Variants in SESTD1 observed in about 807,000 individuals in gnomAD.
SESTD1 encodes SEC14 and spectrin domain containing 1, also known as SEC14 domain and spectrin repeat-containing protein 1.
A neutral mutation model predicts 101.7 loss-of-function variants in SESTD1; 43 were observed. That is an observed-to-expected ratio of 0.42 (90% CI 0.33 to 0.55). SESTD1 has a LOEUF of 0.55. SESTD1 is among the 20% of genes least tolerant of loss of function. SESTD1 has a pLI of 0.07. For missense variants in SESTD1, 647 were observed against 815.1 expected, an observed-to-expected ratio of 0.79 and a Z score of 2.51; for synonymous variants, 283 against 286.8, an observed-to-expected ratio of 0.99 and a Z score of 0.13.
At chr2:179,223,481 A>C (rs2105529298) in intron 1 of SESTD1, among the ~76,000 whole-genome samples, 1 of 152,256 alleles carries the variant, frequency 6.6e-6, no homozygotes, top group Admixed American at 6.5e-5. Context: ...TAAACAACTG[A>C]ATTGGTCATT....
At chr2:179,251,089 A>C (rs2047309931) in intron 1 of SESTD1, among the ~76,000 whole-genome samples, 1 of 152,228 alleles carries the variant, frequency 6.6e-6, no homozygotes, top group Non-Finnish European at 1.5e-5. Context: ...CTCAGTAATT[A>C]AAAAGGAACT....
chr2:179,159,132 T>C (rs1324165063), intron 5 of SESTD1, among the ~76,000 whole-genome samples: 1 of 152,206 alleles, frequency 6.6e-6, no homozygotes, highest in Non-Finnish European at 1.5e-5. Flanking sequence ...TCTTATTCTA[T>C]GCATACGCTT....
rs185299446 is a variant in SESTD1 at position 179,167,346 on chromosome 2, A to G, written c.369+4774T>C. Among the ~76,000 whole-genome samples the G allele has an allele frequency of 3.3e-5, 5 of 152,334 alleles. No individual in the cohort carries two copies. The East Asian group carries it at 9.6e-4, about 29-fold the overall frequency. Reference sequence around the variant, plus strand: ...CCTAAACTGAAACACAAAGAGAAAGACACAGGGATAAAAATAAAACAGGAG... The same window carrying G: ...CCTAAACTGAAACACAAAGAGAAAGGCACAGGGATAAAAATAAAACAGGAG... On this transcript the variant is annotated intron_variant, in intron 5 of 17. Coordinates refer to ENST00000428443, the MANE Select transcript of SESTD1 (RefSeq NM_178123.5).
At chr2:179,240,553 AT>A (rs2047136757) in intron 1 of SESTD1, among the ~76,000 whole-genome samples, 1 of 152,198 alleles carries the variant, frequency 6.6e-6, no homozygotes, top group African/African-American at 2.4e-5. Flanking sequence ...GGAAATAACA[AT>A]AGGAGAAGAC....
In SESTD1 at chr2:179,114,125, A is replaced by ACAAT. The variant is rs1304721376; in HGVS notation, c.1839+936_1839+939dup. On this transcript the variant is annotated intron_variant, in intron 16 of 17. Transcript: ENST00000428443. The stretch of plus-strand genomic sequence containing the variant: ...ATAATAATAAAAAATTCTCATTGAA[A>ACAAT]CAATCAGTAGATAAACAAGTTACAC... Among the ~76,000 whole-genome samples, 7 of 152,342 alleles carry ACAAT rather than the reference A, an allele frequency of 4.6e-5. No homozygotes were observed. The East Asian group carries it at 9.6e-4, about 21-fold the overall frequency.
chr2:179,245,824 CTAAATA>C (rs756630254), intron 1 of SESTD1, among the ~76,000 whole-genome samples: 3 of 152,130 alleles, frequency 2.0e-5, no homozygotes, highest in Non-Finnish European at 4.4e-5. Flanking sequence ...ATATATTACT[CTAAATA>C]TATTCATTAA....
chr2:179,112,570 A>ATTTCT (rs746331732), intron 17 of SESTD1, among the ~76,000 whole-genome samples, 154 bp downstream of exon 17: 29 of 152,238 alleles, frequency 1.9e-4, no homozygotes, highest in Non-Finnish European at 3.5e-4. Context: ...AGAGGTGTGG[A>ATTTCT]TTTCTTTTCA....
chr2:179,122,291 A>G (rs963290302), intron 12 of SESTD1, among the ~76,000 whole-genome samples: 2 of 152,220 alleles, frequency 1.3e-5, no homozygotes, highest in African/African-American at 4.8e-5. Context: ...TATGCTGTCC[A>G]ACTTATAGGA....
intron 1 of SESTD1, among the ~76,000 whole-genome samples, chr2:179,229,533 A>G (rs2046946070): frequency 6.6e-6 from 1 of 151,992 alleles, no homozygotes; most frequent in African/African-American, 2.4e-5. Context: ...TTCTAGATAT[A>G]GATATACATA....
chr2:179,143,325 G>T (rs1575439341), intron 9 of SESTD1, among the ~76,000 whole-genome samples: 1 of 152,120 alleles, frequency 6.6e-6, no homozygotes, highest in Non-Finnish European at 1.5e-5. Flanking sequence ...AGAATACACT[G>T]AGACCACTGA....
At position 179,110,038 on chromosome 2, in the gene SESTD1, A is replaced by C. The variant is rs1416101139; in HGVS notation, c.1962-10T>G. The C allele has an allele frequency of 6.2e-7, 1 of 1,613,112 alleles. No individual in the cohort carries two copies. Among genetic ancestry groups the C allele is most frequent in the South Asian group, 1.1e-5 (1 of 90,974 alleles). ...AAAATATTGTTCGGTTCTAAAAATCAAAACACACAGAAAAACCTCAGATTA... is the reference window on the plus strand; with the variant it reads ...AAAATATTGTTCGGTTCTAAAAATCCAAACACACAGAAAAACCTCAGATTA... On this transcript the variant is annotated splice_polypyrimidine_tract_variant and intron_variant, in intron 17 of 17. Transcript: ENST00000428443.
At chr2:179,157,996 A>C (rs962734448) in intron 5 of SESTD1, among the ~76,000 whole-genome samples, 1 of 152,164 alleles carries the variant, frequency 6.6e-6, no homozygotes, top group Non-Finnish European at 1.5e-5. Flanking sequence ...CAAAGGCTTT[A>C]CTAGAATACC....
At chr2:179,225,273 T>G (rs73973220) in intron 1 of SESTD1, among the ~76,000 whole-genome samples, 1 of 151,898 alleles carries the variant, frequency 6.6e-6, no homozygotes, top group African/African-American at 2.4e-5. Context: ...CAACTTAGGG[T>G]TTTTTTTCCC....
At chr2:179,129,029 C>T (rs1411617547) in intron 10 of SESTD1, among the ~76,000 whole-genome samples, 1 of 152,092 alleles carries the variant, frequency 6.6e-6, no homozygotes, top group Non-Finnish European at 1.5e-5. Context: ...TACTTTATAC[C>T]ATGAAATGTG....
chr2:179,164,267 T>C (rs561065003), intron 5 of SESTD1, among the ~76,000 whole-genome samples: 49 of 152,178 alleles, frequency 3.2e-4, no homozygotes, highest in Non-Finnish European at 5.1e-4. Flanking sequence ...TGGAAGTCTT[T>C]GGTCCTGGAT....
intron 9 of SESTD1, among the ~76,000 whole-genome samples, chr2:179,135,337 A>C (rs1264491586): frequency 6.6e-6 from 1 of 152,194 alleles, no homozygotes; most frequent in Non-Finnish European, 1.5e-5. Context: ...TACATTGCAA[A>C]TGTTTGCTTA....
chr2:179,152,897 T>C (rs2045557561), intron 5 of SESTD1, among the ~76,000 whole-genome samples: 1 of 151,198 alleles, frequency 6.6e-6, no homozygotes, highest in Non-Finnish European at 1.5e-5. Flanking sequence ...CCAAAGAAAA[T>C]AGAAGAAAGG....
intron 10 of SESTD1, among the ~76,000 whole-genome samples, chr2:179,131,220 A>C (rs1229821814): frequency 6.6e-6 from 1 of 152,134 alleles, no homozygotes; most frequent in East Asian, 1.9e-4. Flanking sequence ...CAAAGAAAGC[A>C]ATATGAGGAA....
rs753461766 is a variant in SESTD1, at chr2:179,208,400, T to A, written c.-25-16534A>T. Among the ~76,000 whole-genome samples, 4 of 134,562 alleles carry A rather than the reference T, an allele frequency of 3.0e-5. 1 individual carries two copies. The highest frequency in any genetic ancestry group is 4.8e-5 in the Non-Finnish European group (3 of 62,646). The allele number at this position is 134,562 out of a possible 152,430, so 88.3% of individuals were successfully genotyped here. A position where few individuals can be genotyped will look rare whatever the true frequency, so the allele number is the denominator to read the frequency against. The stretch of plus-strand genomic sequence containing the variant: ...ACCCAGGAAATTCTTTGCAAAAAGA[T>A]AATCACCTAGGCACATAGTTTTCAG... On this transcript the variant is annotated intron_variant, in intron 1 of 17. Transcript: ENST00000428443.
Sources: gnomAD v4.1 joint callset for allele counts (sites outside exome capture counted in the v4.1 genomes callset) on GRCh38, gnomAD v4.1.1 for gene constraint, MANE v1.5 for transcripts, NCBI Gene and HGNC (gene_info 2026-07-23, HGNC 2026-07-21) for gene names.